Variants in NOL4 observed in about 807,000 individuals in gnomAD.
NOL4 encodes cancer/testis antigen 125.
NOL4 carries 17 observed loss-of-function variants against 75.9 expected under a neutral mutation model. The ratio of observed to expected loss-of-function variants is 0.22; its 90% CI spans 0.15 to 0.34. The LOEUF (loss-of-function observed/expected upper bound fraction) is 0.34, where lower values mean the gene tolerates loss of function less well. NOL4 is among the 10% of genes least tolerant of loss of function. The probability of loss-of-function intolerance (pLI) is 1.00; values close to 1 mark genes in which losing one functional copy is unlikely to be tolerated. For missense variants in NOL4, 614 were observed against 793.5 expected (o/e 0.77, Z 2.72); for synonymous variants, 292 against 289.9 (o/e 1.01, Z -0.07).
intron 9 of NOL4, among the ~76,000 whole-genome samples, chr18:33,936,638 G>A (rs1366325254): frequency 6.6e-6 from 1 of 151,974 alleles, no homozygotes; most frequent in Non-Finnish European, 1.5e-5. Context: ...TGTCCTTCTA[G>A]GGCAGTAACT....
intron 5 of NOL4, among the ~76,000 whole-genome samples, chr18:34,058,921 A>G (rs993803100): frequency 2.0e-5 from 3 of 151,912 alleles, no homozygotes; most frequent in Non-Finnish European, 4.4e-5. Context: ...CTGTTGACCT[A>G]GAAAGCCATC....
intron 10 of NOL4, among the ~76,000 whole-genome samples, chr18:33,862,872 A>C (rs1414256940): frequency 1.3e-5 from 2 of 152,236 alleles, no homozygotes; most frequent in Non-Finnish European, 2.9e-5. Flanking sequence ...GTGATTCCTC[A>C]GGGATCTAGA....
rs149562586 is a variant in NOL4 at position 34,154,692 on chromosome 18, C to CTA, written c.265-24674_265-24673dup. The stretch of plus-strand genomic sequence containing the variant: ...CCATCACTCATGTCATATACTATTG[C>CTA]TATATATATATATATCTTTGTAAAA... On this transcript the variant is annotated intron_variant, in intron 1 of 10. Coordinates refer to ENST00000261592, the MANE Select transcript of NOL4 (RefSeq NM_003787.5). Among the ~76,000 whole-genome samples the CTA allele has an allele frequency of 4.2e-3, 635 of 149,618 alleles. 1 individual carries two copies. The highest frequency in any genetic ancestry group is 5.4e-3 in the Non-Finnish European group (362 of 67,200).
intron 1 of NOL4, among the ~76,000 whole-genome samples, chr18:34,165,369 T>C (rs1469811263): frequency 6.6e-6 from 1 of 151,742 alleles, no homozygotes; most frequent in Admixed American, 6.6e-5. Flanking sequence ...AGATGTTTAA[T>C]TGAATGGGAA....
At chr18:34,148,127 G>T (rs148412240) in intron 1 of NOL4, among the ~76,000 whole-genome samples, 1 of 151,608 alleles carries the variant, frequency 6.6e-6, no homozygotes, top group Admixed American at 6.6e-5. Flanking sequence ...TCTGGCTAGC[G>T]ATCTGTCTAT....
Position 33,915,586 on chromosome 18 carries a change from A to G in NOL4, c.1542+27479T>C, listed in dbSNP as rs1032718885. On this transcript the variant is annotated intron_variant, in intron 9 of 10. Coordinates refer to ENST00000261592, the MANE Select transcript of NOL4 (RefSeq NM_003787.5). Reference sequence around the variant, plus strand: ...ATAAGGAGACGGACTGCTCTGCTAGAGGCATGAAATGCTCATCCTAAATAA... The same window carrying G: ...ATAAGGAGACGGACTGCTCTGCTAGGGGCATGAAATGCTCATCCTAAATAA... 2.6e-5 allele frequency among the ~76,000 whole-genome samples: 4 copies of G among 152,100 alleles called. 1 individual carries two copies. The highest frequency in any genetic ancestry group is 9.7e-5 in the African/African-American group (4 of 41,416).
At chr18:33,995,103 G>A (rs2073179737) in intron 6 of NOL4, among the ~76,000 whole-genome samples, 1 of 151,546 alleles carries the variant, frequency 6.6e-6, no homozygotes, top group Non-Finnish European at 1.5e-5. Flanking sequence ...TATAAGTGTA[G>A]GCACTGAGTT....
chr18:34,172,583 AT>A (rs2033154501), intron 1 of NOL4, among the ~76,000 whole-genome samples: 1 of 152,026 alleles, frequency 6.6e-6, no homozygotes, highest in South Asian at 2.1e-4. Flanking sequence ...TCTGTTTTTA[AT>A]TTTTTGAGGA....
chr18:33,879,563 A>G (rs1209479285), intron 10 of NOL4, among the ~76,000 whole-genome samples: 2 of 152,012 alleles, frequency 1.3e-5, no homozygotes, highest in Non-Finnish European at 2.9e-5. Context: ...CACCTGTAGT[A>G]CCAACTACTC....
At chr18:34,119,971 T>C (rs994446799) in intron 2 of NOL4, among the ~76,000 whole-genome samples, 2 of 152,150 alleles carry the variant, frequency 1.3e-5, no homozygotes, top group Admixed American at 6.6e-5. Flanking sequence ...AGACACCTAG[T>C]TCAGTTTGAA....
At chr18:33,930,746 T>C in intron 9 of NOL4, among the ~76,000 whole-genome samples, 1 of 152,202 alleles carries the variant, frequency 6.6e-6, no homozygotes, top group East Asian at 1.9e-4. Context: ...GATTTTGTGG[T>C]ATCTGTGTTG....
intron 10 of NOL4, among the ~76,000 whole-genome samples, chr18:33,860,269 C>T (rs1208965584): frequency 6.6e-6 from 1 of 152,008 alleles, no homozygotes; most frequent in Non-Finnish European, 1.5e-5. Context: ...GACGCAGAGC[C>T]AAACCATATT....
chr18:33,920,820 A>G (rs775775168), intron 9 of NOL4, among the ~76,000 whole-genome samples: 9 of 152,204 alleles, frequency 5.9e-5, no homozygotes, highest in Non-Finnish European at 8.8e-5. Context: ...CTGAAAAGGG[A>G]CAGAGATGGG....
chr18:34,093,582 C>T lies in NOL4; in HGVS notation c.655G>A (p.Glu219Lys). The T allele has an allele frequency of 6.3e-7, 1 of 1,587,502 alleles. No homozygotes were observed. Among genetic ancestry groups the T allele is most frequent in the Middle Eastern group, 1.7e-4 (1 of 5,956 alleles). ...SQQDEDESSIESDEFDMSDST... is the reference protein window; with the variant it reads ...SQQDEDESSIKSDEFDMSDST... ...TCACTCATGTCAAATTCATCACTTT[C>T]TATTGAACTTTCATCCTGAAAATAG... The change falls in exon 5 of 11, where the codon GAA becomes AAA. Residue 219 changes from glutamate (E) to lysine (K), a missense_variant. Physicochemically the swap from Glu to Lys is moderately conservative, Grantham distance 56 (BLOSUM62 1). Around this residue, in one of 9 missense-constraint regions of NOL4, gnomAD observed 135 missense variants for 220.4 expected, o/e 0.61. Coordinates refer to ENST00000261592, the MANE Select transcript of NOL4 (RefSeq NM_003787.5).
At chr18:34,057,647 A>C (rs1367649225) in intron 5 of NOL4, among the ~76,000 whole-genome samples, 2 of 152,178 alleles carry the variant, frequency 1.3e-5, no homozygotes, top group Non-Finnish European at 1.5e-5. Flanking sequence ...CAATTTGTTA[A>C]ATACAAATTA....
intron 5 of NOL4, among the ~76,000 whole-genome samples, chr18:34,033,165 C>A (rs1050289444): frequency 6.6e-6 from 1 of 152,030 alleles, no homozygotes; most frequent in Admixed American, 6.5e-5. Context: ...AAACGTATGA[C>A]ACCTTTAAAG....
At chr18:33,990,588 T>C (rs1212300089) in intron 6 of NOL4, among the ~76,000 whole-genome samples, 1 of 152,070 alleles carries the variant, frequency 6.6e-6, no homozygotes, top group Non-Finnish European at 1.5e-5. Flanking sequence ...CTCCTAGACC[T>C]ACACTGCCCC....
At chr18:34,073,781 A>C (rs996706984) in intron 5 of NOL4, among the ~76,000 whole-genome samples, 22 of 152,084 alleles carry the variant, frequency 1.4e-4, no homozygotes, top group African/African-American at 5.1e-4. Flanking sequence ...ATGCAATCAA[A>C]TAAAAAACTA....
chr18:33,997,672 A>G (rs1363326026), intron 6 of NOL4, among the ~76,000 whole-genome samples: 2 of 148,458 alleles, frequency 1.3e-5, no homozygotes. Context: ...ATAAATATAT[A>G]CACATATACT....
Sources: allele counts gnomAD v4.1 joint callset (sites outside exome capture counted in the v4.1 genomes callset), GRCh38; gene constraint gnomAD v4.1.1; regional missense constraint gnomAD v4.1.1; transcripts MANE v1.5; gene names NCBI Gene and HGNC (gene_info 2026-07-23, HGNC 2026-07-21).